The following FHIP2A variants were observed in gnomAD, a reference collection of about 807,000 sequenced individuals.
FHIP2A encodes family with sequence similarity 160 member B1.
Under a neutral mutation model 93.5 loss-of-function variants are expected in FHIP2A, and 46 were observed. That is an observed-to-expected ratio of 0.49 (90% CI 0.39 to 0.63). FHIP2A has a LOEUF of 0.63. FHIP2A is among the 20% of genes least tolerant of loss of function. The pLI is 0.00. For synonymous variants in FHIP2A, 332 were observed against 326.5 expected (o/e 1.02, Z -0.18); for missense variants, 769 against 909.7 (o/e 0.85, Z 1.99).
At chr10:114,879,543 T>TA (rs2083906366) in intron 16 of FHIP2A, among the ~76,000 whole-genome samples, 2 of 152,250 alleles carry the variant, frequency 1.3e-5, no homozygotes, top group South Asian at 4.1e-4. Context: ...GAGCATTTTA[T>TA]AGAGTTCCCA....
At chr10:114,882,669 T>C (rs963581048) in intron 16 of FHIP2A, among the ~76,000 whole-genome samples, 1 of 152,028 alleles carries the variant, frequency 6.6e-6, no homozygotes, top group African/African-American at 2.4e-5. Context: ...GGTCAGGAGT[T>C]TGAGACCAGC....
intron 16 of FHIP2A, among the ~76,000 whole-genome samples, chr10:114,881,782 CA>C (rs1431180118): frequency 6.6e-6 from 1 of 152,176 alleles, no homozygotes; most frequent in Admixed American, 6.5e-5. Flanking sequence ...CATTCTAGGC[CA>C]TCTCAGAGCT....
intron 5 of FHIP2A, among the ~76,000 whole-genome samples, chr10:114,839,853 G>C (rs1335563399): frequency 2.9e-5 from 4 of 138,596 alleles, no homozygotes; most frequent in African/African-American, 1.1e-4. Context: ...CTGCACTTCA[G>C]CCTGGGCGAC....
Position 114,862,788 on chromosome 10 carries a change from AT to A in FHIP2A, c.*1249del. 2 of 985,392 alleles carry A rather than the reference AT, an allele frequency of 2.0e-6. No individual in the cohort carries two copies. The highest frequency in any genetic ancestry group is 2.4e-6 in the Non-Finnish European group (2 of 829,916). 61.0% of individuals were successfully genotyped at this position (985,392 alleles called of 1,614,324 possible). On this transcript the variant is annotated 3_prime_UTR_variant, in exon 17 of 17. Transcript: ENST00000369248. ...AAGCTATTGTTTGTTTTTATTTGAC[AT>A]GTTAAGCCGCAGCACTTTCTTCTTC...
At chr10:114,858,928 AT>A in intron 14 of FHIP2A, among the ~76,000 whole-genome samples, 1 of 152,286 alleles carries the variant, frequency 6.6e-6, no homozygotes, top group African/African-American at 2.4e-5. Flanking sequence ...AGTTACCCTA[AT>A]TTGGTCATTA....
At chr10:114,824,808 G>A (rs1437848467) in intron 1 of FHIP2A, among the ~76,000 whole-genome samples, 1 of 152,016 alleles carries the variant, frequency 6.6e-6, no homozygotes, top group Non-Finnish European at 1.5e-5. Flanking sequence ...TCATGTGTAC[G>A]TCCAATTAGC....
chr10:114,886,740 T>C (rs193071950), intron 16 of FHIP2A, among the ~76,000 whole-genome samples: 2 of 152,208 alleles, frequency 1.3e-5, no homozygotes, highest in African/African-American at 4.8e-5. Context: ...AGACGGGGTT[T>C]TGCCATGTTG....
At chr10:114,853,747 C>T (rs545604691) in intron 13 of FHIP2A, among the ~76,000 whole-genome samples, 29 of 152,148 alleles carry the variant, frequency 1.9e-4, no homozygotes, top group African/African-American at 3.4e-4. Flanking sequence ...GCCTGTAATC[C>T]TAGCACTTTG....
chr10:114,846,350 G>T lies in FHIP2A; in HGVS notation c.1381G>T (p.Asp461Tyr), dbSNP rs761951482. The T allele has an allele frequency of 1.2e-6, 2 of 1,613,844 alleles. No homozygotes were observed. Among genetic ancestry groups the T allele is most frequent in the African/African-American group, 1.3e-5 (1 of 75,044 alleles). Residue 461 changes from aspartate (D) to tyrosine (Y), a missense_variant, in exon 10 of 17, where the codon GAT (aspartate) becomes TAT (tyrosine). Coordinates refer to ENST00000369248, the MANE Select transcript of FHIP2A (RefSeq NM_020940.4). ...AAGGCATAGGTTAATTGAACATTGT[G>T]ATCACATATCTGATGAGGTAAGCTA... is the stretch of plus-strand genomic sequence containing the variant. ...PLRHRLIEHC[D>Y]HISDEISIMT... is the part of the protein sequence containing the mutation.
intron 16 of FHIP2A, among the ~76,000 whole-genome samples, chr10:114,892,991 T>C (rs1292323316): frequency 6.6e-6 from 1 of 151,900 alleles, no homozygotes; most frequent in Non-Finnish European, 1.5e-5. Flanking sequence ...TGGAGAGGGG[T>C]AGCTTATGGA....
intron 16 of FHIP2A, among the ~76,000 whole-genome samples, chr10:114,872,427 T>C (rs914400680): frequency 4.6e-5 from 7 of 152,236 alleles, no homozygotes; most frequent in African/African-American, 1.7e-4. Context: ...TAATTATGGT[T>C]CTTTTTTGTA....
At chr10:114,822,486 A>T (rs1378402425) in intron 1 of FHIP2A, among the ~76,000 whole-genome samples, 1 of 151,958 alleles carries the variant, frequency 6.6e-6, no homozygotes, top group Non-Finnish European at 1.5e-5. Flanking sequence ...GGTCGCAGAG[A>T]GCTCCCCCGG....
intron 13 of FHIP2A, among the ~76,000 whole-genome samples, chr10:114,852,058 C>T (rs2083740131): frequency 6.6e-6 from 1 of 151,868 alleles, no homozygotes; most frequent in Admixed American, 6.6e-5. Context: ...CTTCGCTGAA[C>T]TCGTTTAAAC....
intron 5 of FHIP2A, among the ~76,000 whole-genome samples, chr10:114,842,374 C>T (rs1005136273): frequency 8.6e-5 from 13 of 151,994 alleles, no homozygotes; most frequent in African/African-American, 3.1e-4. Context: ...TTCTTGCGTT[C>T]TTATAGAGTA....
downstream of FHIP2A, among the ~76,000 whole-genome samples, chr10:114,868,547 TA>T (rs1284114284): frequency 6.6e-6 from 1 of 151,702 alleles, no homozygotes; most frequent in Non-Finnish European, 1.5e-5. Context: ...AGGGAGTCTT[TA>T]AAAAAAAGTG....
In FHIP2A at chr10:114,864,275, T is replaced by G; in HGVS notation, c.*2735T>G. The G allele has an allele frequency of 1.0e-6, 1 of 983,896 alleles. No homozygotes were observed. Among genetic ancestry groups the G allele is most frequent in the South Asian group, 4.7e-5 (1 of 21,252 alleles). The allele number at this position is 983,896 out of a possible 1,614,324, so 60.9% of individuals were successfully genotyped here. On this transcript the variant is annotated 3_prime_UTR_variant, in exon 17 of 17. Coordinates refer to ENST00000369248, the MANE Select transcript of FHIP2A (RefSeq NM_020940.4). The stretch of plus-strand genomic sequence containing the variant: ...TATTGCATTAACATACAATTGCCAT[T>G]TAATTATGAAGTCCATCAGTATTGA...
intron 12 of FHIP2A, 142 bp downstream of exon 12, chr10:114,847,375 G>T (rs375901885): frequency 1.6e-6 from 1 of 637,368 alleles, no homozygotes; most frequent in Non-Finnish European, 2.5e-6. Flanking sequence ...TGCAACCTCC[G>T]CCTCCTGGGT....
intron 3 of FHIP2A, 95 bp downstream of exon 3, chr10:114,833,497 C>A: frequency 1.8e-6 from 2 of 1,134,946 alleles, no homozygotes; most frequent in South Asian, 1.3e-5. Context: ...TATAAAGGTA[C>A]ATATTGAACA....
At position 114,896,605 on chromosome 10, in the gene FHIP2A, G is replaced by A. The variant is rs567520639; in HGVS notation, c.2193-2885G>A. Among the ~76,000 whole-genome samples the A allele has an allele frequency of 3.9e-5, 6 of 152,306 alleles. No homozygotes were observed. In the East Asian group the frequency reaches 1.2e-3, roughly 29 times the overall value. ...GAAACTCAAAAGAATGCAACCGTTTGTGTTTCACCTATCTGTGACCTGGAA... is the reference window on the plus strand; with the variant it reads ...GAAACTCAAAAGAATGCAACCGTTTATGTTTCACCTATCTGTGACCTGGAA... On this transcript the variant is annotated intron_variant, in intron 16 of 16. Coordinates refer to the FHIP2A transcript ENST00000369250.
Sources: allele counts gnomAD v4.1 joint callset (sites outside exome capture counted in the v4.1 genomes callset), GRCh38; gene constraint gnomAD v4.1.1; transcripts MANE v1.5; gene names NCBI Gene and HGNC (gene_info 2026-07-23, HGNC 2026-07-21).